Variants in SORCS1 observed in about 807,000 individuals in gnomAD.
The protein encoded by SORCS1 is VPS10 domain-containing receptor SorCS1.
In SORCS1, 60 loss-of-function variants were observed where a neutral mutation model predicts 146.1. The ratio of observed to expected loss-of-function variants is 0.41; its 90% confidence interval spans 0.33 to 0.51. The LOEUF (loss-of-function observed/expected upper bound fraction) is 0.51, where lower values mean the gene tolerates loss of function less well. Among genes scored for constraint, SORCS1 ranks in the 20% least tolerant of loss-of-function variants. The pLI is 0.21. For missense variants in SORCS1, 1,352 were observed against 1,487.6 expected, an observed-to-expected ratio of 0.91 and a Z score of 1.50; for synonymous variants, 637 against 584.0, an observed-to-expected ratio of 1.09 and a Z score of -1.31.
intron 1 of SORCS1, among the ~76,000 whole-genome samples, chr10:107,015,958 C>T (rs1957879293): frequency 6.8e-6 from 1 of 147,178 alleles, no homozygotes; most frequent in Non-Finnish European, 1.5e-5. Flanking sequence ...TCAAAAACCA[C>T]TTATACCACA....
chr10:107,094,159 T>C (rs1436019420), intron 1 of SORCS1, among the ~76,000 whole-genome samples: 1 of 152,202 alleles, frequency 6.6e-6, no homozygotes, highest in Non-Finnish European at 1.5e-5. Flanking sequence ...TAATCAAGAA[T>C]ATAAGATCTA....
intron 8 of SORCS1, among the ~76,000 whole-genome samples, chr10:106,700,341 G>C (rs1854042947): frequency 6.6e-6 from 1 of 152,120 alleles, no homozygotes; most frequent in Non-Finnish European, 1.5e-5. Context: ...CTTCTTTATG[G>C]GATGTCTGTT....
At chr10:106,583,576 G>A (rs556247507) in intron 24 of SORCS1, among the ~76,000 whole-genome samples, 1 of 152,108 alleles carries the variant, frequency 6.6e-6, no homozygotes, top group African/African-American at 2.4e-5. Flanking sequence ...ACACAATCTC[G>A]ATTCACTGCA....
intron 3 of SORCS1, among the ~76,000 whole-genome samples, chr10:106,794,652 G>A (rs1470067691): frequency 1.3e-5 from 2 of 151,802 alleles, no homozygotes; most frequent in South Asian, 2.1e-4. Context: ...ACAGGCGCCC[G>A]CCACCACGCC....
chr10:106,702,925 A>T (rs1393642218), intron 8 of SORCS1, among the ~76,000 whole-genome samples: 1 of 152,200 alleles, frequency 6.6e-6, no homozygotes, highest in African/African-American at 2.4e-5. Context: ...CTTGAAAAGG[A>T]GGAAGGGATC....
intron 1 of SORCS1, among the ~76,000 whole-genome samples, chr10:106,977,316 G>T (rs1956070178): frequency 6.6e-6 from 1 of 152,008 alleles, no homozygotes; most frequent in Non-Finnish European, 1.5e-5. Context: ...TTCATATTTG[G>T]CCGCATAAAT....
chr10:106,771,184 C>A (rs1280381197), intron 4 of SORCS1, among the ~76,000 whole-genome samples: 1 of 152,126 alleles, frequency 6.6e-6, no homozygotes, highest in East Asian at 1.9e-4. Flanking sequence ...GACAGCAAAG[C>A]TGAGGTATAC....
chr10:106,975,012 G>A (rs7912929), intron 1 of SORCS1, among the ~76,000 whole-genome samples: 11,622 of 152,218 alleles, frequency 0.076, 1,258 homozygotes, highest in African/African-American at 0.24. Flanking sequence ...GACAGTTAGT[G>A]CAGGCTGATA....
At chr10:106,837,165 C>T (rs1948822001) in intron 2 of SORCS1, among the ~76,000 whole-genome samples, 1 of 152,182 alleles carries the variant, frequency 6.6e-6, no homozygotes, top group African/African-American at 2.4e-5. Context: ...CTGCAGCTTA[C>T]TCAACCTCTG....
At chr10:106,923,179 AG>A (rs981416155) in intron 2 of SORCS1, among the ~76,000 whole-genome samples, 21 of 152,188 alleles carry the variant, frequency 1.4e-4, no homozygotes, top group Non-Finnish European at 2.5e-4. Flanking sequence ...GTGAGCCACC[AG>A]GTCCGGCCAA....
chr10:106,894,852 G>A (rs925313525), intron 2 of SORCS1, among the ~76,000 whole-genome samples: 2 of 152,222 alleles, frequency 1.3e-5, no homozygotes, highest in African/African-American at 2.4e-5. Context: ...GTGTAATCTT[G>A]AGTAAACAGT....
At chr10:107,063,772 A>G (rs1961464599) in intron 1 of SORCS1, among the ~76,000 whole-genome samples, 1 of 152,180 alleles carries the variant, frequency 6.6e-6, no homozygotes, top group African/African-American at 2.4e-5. Flanking sequence ...TGTGACATCA[A>G]TCCTTAGCTC....
the SORCS1 span, among the ~76,000 whole-genome samples, chr10:107,179,386 A>T: frequency 6.6e-6 from 1 of 152,202 alleles, no homozygotes; most frequent in African/African-American, 2.4e-5. Context: ...TATAGACACC[A>T]CATACTCTCC....
At chr10:106,854,728 ACT>A (rs1949717771) in intron 2 of SORCS1, among the ~76,000 whole-genome samples, 1 of 152,006 alleles carries the variant, frequency 6.6e-6, no homozygotes, top group African/African-American at 2.4e-5. Context: ...GAGTGCAGGC[ACT>A]CTGTCATAAC....
chr10:106,832,181 CTT>C lies in SORCS1; in HGVS notation c.627-2510_627-2509del, dbSNP rs71025561. On this transcript the variant is annotated intron_variant, in intron 2 of 25. Coordinates refer to ENST00000263054, the MANE Select transcript of SORCS1 (RefSeq NM_052918.5). ...CCTAGCCCAGTCCACTTTGTTTTCG[CTT>C]TTTTTTTTTTTTTTTTCTTTTTTGA... is the stretch of plus-strand genomic sequence containing the variant. Among the ~76,000 whole-genome samples, 1,356 of 130,336 alleles carry C rather than the reference CTT, an allele frequency of 0.01. 32 individuals are homozygous for C. The East Asian group carries it at 0.12, about 12-fold the overall frequency. 85.5% of individuals were successfully genotyped at this position (130,336 alleles called of 152,430 possible).
chr10:107,089,047 A>G (rs1458135385), intron 1 of SORCS1, among the ~76,000 whole-genome samples: 1 of 152,232 alleles, frequency 6.6e-6, no homozygotes, highest in African/African-American at 2.4e-5. Context: ...TGTGATATAC[A>G]AAAGACATTC....
rs74152230 is a variant in SORCS1 at position 106,707,717 on chromosome 10, G to A, written c.1144-1083C>T. 2.5e-3 allele frequency among the ~76,000 whole-genome samples: 382 copies of A among 152,164 alleles called. 5 individuals are homozygous for A. Among genetic ancestry groups the A allele is most frequent in the African/African-American group, 8.8e-3 (364 of 41,502 alleles). On this transcript the variant is annotated intron_variant, in intron 7 of 25. Transcript: ENST00000263054. ...TGGTGGGTGTGAGAGAGGGCAGGAA[G>A]GTACAGAGGGCAGGTAGAGAGGGCA... is the stretch of plus-strand genomic sequence containing the variant.
intron 4 of SORCS1, among the ~76,000 whole-genome samples, chr10:106,765,758 G>A (rs1419870144): frequency 6.6e-6 from 1 of 151,818 alleles, no homozygotes; most frequent in African/African-American, 2.4e-5. Context: ...ATCCCTAGAA[G>A]AGTGACAACT....
chr10:106,716,003 A>G (rs1000967994), intron 6 of SORCS1, among the ~76,000 whole-genome samples: 1 of 152,138 alleles, frequency 6.6e-6, no homozygotes, highest in Non-Finnish European at 1.5e-5. Context: ...CGTCTGCCTC[A>G]GCCTCCCAAA....
Sources: allele counts gnomAD v4.1 joint callset (sites outside exome capture counted in the v4.1 genomes callset), GRCh38; gene constraint gnomAD v4.1.1; transcripts MANE v1.5; gene names NCBI Gene and HGNC (gene_info 2026-07-23, HGNC 2026-07-21).